The following JPH1 variants were observed in gnomAD, a reference collection of about 807,000 sequenced individuals.
The protein encoded by JPH1 is junctophilin-1.
In JPH1, 12 loss-of-function variants were observed where a neutral mutation model predicts 53.6. The ratio of observed to expected loss-of-function variants is 0.22; its 90% CI spans 0.14 to 0.36. JPH1 has a LOEUF of 0.36. Ranked by LOEUF, JPH1 falls within the 10% of genes least tolerant of loss-of-function variation. The pLI, the probability that JPH1 is intolerant of heterozygous loss-of-function variation, is 1.00. For missense variants in JPH1, 808 were observed against 905.5 expected (o/e 0.89, Z 1.38); for synonymous variants, 375 against 363.8 (o/e 1.03, Z -0.35).
chr8:74,265,265 T>A (rs1388038058), intron 2 of JPH1, among the ~76,000 whole-genome samples: 1 of 152,234 alleles, frequency 6.6e-6, no homozygotes, highest in Non-Finnish European at 1.5e-5. Flanking sequence ...CTATTCAGCC[T>A]CCTTTTGTAA....
At chr8:74,261,253 CT>C (rs1806387726) in intron 2 of JPH1, among the ~76,000 whole-genome samples, 2 of 152,068 alleles carry the variant, frequency 1.3e-5, no homozygotes, top group Non-Finnish European at 2.9e-5. Context: ...GACTTTAATA[CT>C]AATATATTAA....
At chr8:74,252,569 T>C (rs1488692828) in intron 3 of JPH1, among the ~76,000 whole-genome samples, 1 of 152,092 alleles carries the variant, frequency 6.6e-6, no homozygotes, top group Non-Finnish European at 1.5e-5. Context: ...GGAAATGGGC[T>C]AAATGCTCCA....
intron 3 of JPH1, among the ~76,000 whole-genome samples, chr8:74,251,588 C>A (rs550290315): frequency 1.3e-5 from 2 of 152,182 alleles, no homozygotes; most frequent in East Asian, 3.9e-4. Context: ...TCCCACATGG[C>A]TTTGTTTTTT....
intron 4 of JPH1, among the ~76,000 whole-genome samples, chr8:74,239,373 G>A (rs1805629311): frequency 6.6e-6 from 1 of 152,112 alleles, no homozygotes; most frequent in Non-Finnish European, 1.5e-5. Flanking sequence ...ACAGGCCTTA[G>A]TTTAAAGGCA....
intron 2 of JPH1, among the ~76,000 whole-genome samples, chr8:74,260,685 GC>G (rs951224639): frequency 6.6e-6 from 1 of 152,142 alleles, no homozygotes; most frequent in African/African-American, 2.4e-5. Flanking sequence ...GAGGAGGCTG[GC>G]AGGCGGAGCT....
chr8:74,245,819 C>T (rs1353297845), intron 3 of JPH1, among the ~76,000 whole-genome samples: 2 of 150,064 alleles, frequency 1.3e-5, no homozygotes, highest in Non-Finnish European at 3.0e-5. Flanking sequence ...TTTTATATAC[C>T]TCAGGATTGT....
Position 74,271,131 on chromosome 8 carries a change from G to T in JPH1, c.1140-11628C>A, listed in dbSNP as rs767886630. Among the ~76,000 whole-genome samples, 5 of 149,876 alleles carry T rather than the reference G, an allele frequency of 3.3e-5. No individual in the cohort carries two copies. The South Asian group carries it at 1.0e-3, about 31-fold the overall frequency. On this transcript the variant is annotated intron_variant, in intron 2 of 5. Coordinates refer to ENST00000342232, the MANE Select transcript of JPH1 (RefSeq NM_020647.4). ...CCCAAACAAGGGGGAGATTTAGGAC[G>T]TCATTTCCACGAGGCAGGAATTTCT... is the stretch of plus-strand genomic sequence containing the variant.
chr8:74,263,848 A>G (rs988352217), intron 2 of JPH1, among the ~76,000 whole-genome samples: 1 of 152,194 alleles, frequency 6.6e-6, no homozygotes, highest in Non-Finnish European at 1.5e-5. Context: ...GGACTGTGAC[A>G]TTATTCATTC....
In JPH1 at chr8:74,244,494, A is replaced by G. The variant is rs78686352; in HGVS notation, c.1905+35T>C. ...CAGCTCGCTGAAAGAAACAAAGGGA[A>G]GAAAGAAAGAGAAAACGCTACTTGC... On this transcript the variant is annotated intron_variant, in intron 4 of 5. Transcript: ENST00000342232. The G allele has an allele frequency of 2.2e-3, 3,446 of 1,551,866 alleles. 5 individuals carry two copies. Among genetic ancestry groups the G allele is most frequent in the Non-Finnish European group, 2.8e-3 (3,175 of 1,152,932 alleles).
At chr8:74,306,910 T>C (rs1807853465) in intron 2 of JPH1, among the ~76,000 whole-genome samples, 1 of 152,170 alleles carries the variant, frequency 6.6e-6, no homozygotes, top group South Asian at 2.1e-4. Flanking sequence ...ACTAACATAC[T>C]TAATATAAAG....
chr8:74,244,452 T>G (rs1481127818), intron 4 of JPH1, 77 bp downstream of exon 4: 15 of 1,451,502 alleles, frequency 1.0e-5, no homozygotes, highest in Non-Finnish European at 1.9e-6. Flanking sequence ...GTGATCAAGA[T>G]GCACAGTCAC....
chr8:74,274,403 A>G (rs1806790734), intron 2 of JPH1, among the ~76,000 whole-genome samples: 1 of 152,224 alleles, frequency 6.6e-6, no homozygotes, highest in Non-Finnish European at 1.5e-5. Flanking sequence ...CCAGATATAA[A>G]TTTTGTAAGG....
chr8:74,242,603 T>A (rs1586729829), intron 4 of JPH1, among the ~76,000 whole-genome samples: 1 of 152,392 alleles, frequency 6.6e-6, no homozygotes, highest in Non-Finnish European at 1.5e-5. Context: ...ACATTTATGA[T>A]GACTGTGCCA....
intron 2 of JPH1, among the ~76,000 whole-genome samples, chr8:74,307,905 T>C (rs1411582002): frequency 2.6e-5 from 4 of 152,202 alleles, no homozygotes; most frequent in African/African-American, 7.2e-5. Context: ...TTTTCTGATA[T>C]TGGTAATAGT....
intron 3 of JPH1, among the ~76,000 whole-genome samples, chr8:74,253,467 A>T (rs957907210): frequency 6.6e-6 from 1 of 152,160 alleles, no homozygotes; most frequent in Non-Finnish European, 1.5e-5. Flanking sequence ...ACACCCTAAC[A>T]TCACAATTAG....
At chr8:74,296,045 C>CACACACACACACACACACACAT (rs3221275) in intron 2 of JPH1, among the ~76,000 whole-genome samples, 1 of 151,874 alleles carries the variant, frequency 6.6e-6, no homozygotes, top group African/African-American at 2.4e-5. Flanking sequence ...CACACACACA[C>CACACACACACACACACACACAT]GGAGTATTGG....
At chr8:74,295,357 C>T (rs1429063363) in intron 2 of JPH1, among the ~76,000 whole-genome samples, 2 of 152,116 alleles carry the variant, frequency 1.3e-5, no homozygotes, top group African/African-American at 2.4e-5. Flanking sequence ...TCACAGCTCT[C>T]ATCACCTCAT....
At chr8:74,298,926 C>T (rs114358580) in intron 2 of JPH1, among the ~76,000 whole-genome samples, 6,878 of 152,250 alleles carry the variant, frequency 0.045, 209 homozygotes, top group African/African-American at 0.084. Context: ...GGAGCCATTA[C>T]GAAACATCAA....
Position 74,320,864 on chromosome 8 carries a change from C to A in JPH1, c.379+45G>T. 4 of 1,471,676 alleles carry A rather than the reference C, an allele frequency of 2.7e-6. No homozygotes were observed. Among genetic ancestry groups the A allele is most frequent in the Non-Finnish European group, 3.6e-6 (4 of 1,114,106 alleles). The allele number at this position is 1,471,676 out of a possible 1,614,324, so 91.2% of individuals were successfully genotyped here. ...TCCCCGCAGCCGGGGCAGAGCCCACCGCACCAGCTCGCGGAGCAGCCGAGC... is the reference window on the plus strand; with the variant it reads ...TCCCCGCAGCCGGGGCAGAGCCCACAGCACCAGCTCGCGGAGCAGCCGAGC... On this transcript the variant is annotated intron_variant, in intron 1 of 5. Coordinates refer to ENST00000342232, the MANE Select transcript of JPH1 (RefSeq NM_020647.4). The surrounding 1 kb of genome is among the most constrained non-coding windows in gnomAD (Gnocchi z 4.4).
Sources: gnomAD v4.1 joint callset for allele counts (sites outside exome capture counted in the v4.1 genomes callset) on GRCh38, gnomAD v4.1.1 for gene constraint, Gnocchi (gnomAD v3.1) non-coding constraint, MANE v1.5 for transcripts, NCBI Gene and HGNC (gene_info 2026-07-23, HGNC 2026-07-21) for gene names.